Variants in FOXO1 observed in about 807,000 individuals in gnomAD.
The protein encoded by FOXO1 is forkhead box O1.
FOXO1 carries 6 observed loss-of-function variants against 44.1 expected under a neutral mutation model. That is an observed-to-expected ratio of 0.14 (90% confidence interval 0.07 to 0.27). FOXO1 has a LOEUF of 0.27. Among genes scored for constraint, FOXO1 ranks in the 10% least tolerant of loss-of-function variants. The probability of loss-of-function intolerance (pLI) is 1.00; values close to 1 mark genes in which losing one functional copy is unlikely to be tolerated. For synonymous variants in FOXO1, 380 were observed against 362.7 expected (o/e 1.05, Z -0.54); for missense variants, 737 against 888.8 (o/e 0.83, Z 2.17).
At position 40,665,760 on chromosome 13, in the gene FOXO1, C is replaced by T. The variant is rs1878215091; in HGVS notation, c.453G>A (p.Lys151=). The change falls in exon 1 of 3, where the codon AAG becomes AAA. Residue 151 remains lysine (K), a synonymous_variant. Coordinates refer to ENST00000379561, the MANE Select transcript of FOXO1 (RefSeq NM_002015.4). The part of the protein sequence containing the change: ...AAGPLAGQPR[K]SSSSRRNAWG... ...ACGCGTTGCGGCGGGACGAGCTGCT[C>T]TTGCGCGGCTGCCCCGCGAGCGGCC... The T allele has an allele frequency of 2.2e-6, 3 of 1,377,844 alleles. No individual in the cohort carries two copies. Among genetic ancestry groups the T allele is most frequent in the Middle Eastern group, 1.9e-4 (1 of 5,314 alleles). 85.4% of individuals were successfully genotyped at this position (1,377,844 alleles called of 1,614,324 possible).
intron 1 of FOXO1, among the ~76,000 whole-genome samples, chr13:40,602,529 G>A (rs1427389434): frequency 6.6e-6 from 1 of 152,124 alleles, no homozygotes; most frequent in African/African-American, 2.4e-5. Flanking sequence ...CCGAAAAAAA[G>A]AAAGAAATTC....
chr13:40,595,135 AGATGGAGC>A (rs1875527304), intron 1 of FOXO1, among the ~76,000 whole-genome samples: 1 of 152,236 alleles, frequency 6.6e-6, no homozygotes, highest in Non-Finnish European at 1.5e-5. Context: ...GAAAAAACTG[AGATGGAGC>A]GATTAGGAGG....
rs181477124 is a variant in FOXO1, at chr13:40,662,793, C to T, written c.630+2790G>A. 1.7e-3 allele frequency among the ~76,000 whole-genome samples: 254 copies of T among 152,308 alleles called. 1 individual carries two copies. The highest frequency in any genetic ancestry group is 5.9e-3 in the African/African-American group (247 of 41,580). On this transcript the variant is annotated intron_variant, in intron 1 of 2. Coordinates refer to ENST00000379561, the MANE Select transcript of FOXO1 (RefSeq NM_002015.4). ...GAAATATTTTGTGCCAAAGCAACCT[C>T]TCCTCGGTCCTAAAACAGTTAAGTT...
chr13:40,649,191 C>T (rs1439849109), intron 1 of FOXO1, among the ~76,000 whole-genome samples: 4 of 152,218 alleles, frequency 2.6e-5, no homozygotes, highest in Admixed American at 2.6e-4. Flanking sequence ...GTCTTCATTT[C>T]AAATCCAAGG....
At chr13:40,652,095 T>C (rs541508314) in intron 1 of FOXO1, among the ~76,000 whole-genome samples, 2 of 152,204 alleles carry the variant, frequency 1.3e-5, no homozygotes, top group African/African-American at 2.4e-5. Flanking sequence ...CCAATCGATA[T>C]TTACAAGTTT....
chr13:40,652,152 C>G (rs1245251599), intron 1 of FOXO1, among the ~76,000 whole-genome samples: 1 of 152,170 alleles, frequency 6.6e-6, no homozygotes, highest in African/African-American at 2.4e-5. Context: ...TAGGAGGTAG[C>G]CCTGCAGAGA....
At chr13:40,644,161 G>C (rs1877440880) in intron 1 of FOXO1, among the ~76,000 whole-genome samples, 1 of 152,168 alleles carries the variant, frequency 6.6e-6, no homozygotes, top group Non-Finnish European at 1.5e-5. Context: ...TATCTAACCA[G>C]CACCTTTTGT....
At chr13:40,581,865 G>A (rs1305337108) in intron 1 of FOXO1, among the ~76,000 whole-genome samples, 1 of 152,162 alleles carries the variant, frequency 6.6e-6, no homozygotes, top group African/African-American at 2.4e-5. Flanking sequence ...TTAAAAAGGG[G>A]ATCCTACAAA....
intron 1 of FOXO1, among the ~76,000 whole-genome samples, chr13:40,570,569 A>C (rs1874452298): frequency 6.6e-6 from 1 of 152,228 alleles, no homozygotes; most frequent in African/African-American, 2.4e-5. Flanking sequence ...TTCAGCCAAT[A>C]ACCTCATACA....
In FOXO1 at chr13:40,597,987, T is replaced by C. The variant is rs189759493; in HGVS notation, c.631-37127A>G. Among the ~76,000 whole-genome samples the C allele has an allele frequency of 2.6e-3, 390 of 152,272 alleles. 2 individuals carry two copies. Among genetic ancestry groups the C allele is most frequent in the African/African-American group, 8.3e-3 (345 of 41,552 alleles). The stretch of plus-strand genomic sequence containing the variant: ...TGCTCGGGCCAAGTCCTCAGAGGCT[T>C]TCCCAGCCTCAGAGAATCGGGCTCT... On this transcript the variant is annotated intron_variant, in intron 1 of 2. Coordinates refer to ENST00000379561, the MANE Select transcript of FOXO1 (RefSeq NM_002015.4).
chr13:40,593,248 G>A (rs939211794), intron 1 of FOXO1, among the ~76,000 whole-genome samples: 2 of 152,004 alleles, frequency 1.3e-5, no homozygotes, highest in Non-Finnish European at 2.9e-5. Context: ...GGCTGGTCTC[G>A]AACTCCTGGG....
At chr13:40,580,900 G>A (rs1378482343) in intron 1 of FOXO1, among the ~76,000 whole-genome samples, 1 of 152,196 alleles carries the variant, frequency 6.6e-6, no homozygotes, top group Non-Finnish European at 1.5e-5. Flanking sequence ...AGAACAAGGT[G>A]AGGCTCCAGG....
intron 1 of FOXO1, among the ~76,000 whole-genome samples, chr13:40,566,577 A>G (rs1874276740): frequency 6.6e-6 from 1 of 151,756 alleles, no homozygotes; most frequent in Non-Finnish European, 1.5e-5. Flanking sequence ...GCGGGGTTTC[A>G]CCATGTTGGC....
In FOXO1 at chr13:40,558,928, T is replaced by G. The variant is rs1297813164; in HGVS notation, c.*121A>C. The G allele has an allele frequency of 2.7e-5, 7 of 257,108 alleles. No individual in the cohort carries two copies. Among genetic ancestry groups the G allele is most frequent in the Admixed American group, 1.9e-4 (2 of 10,516 alleles). The allele number at this position is 257,108 out of a possible 1,614,324, so 15.9% of individuals were successfully genotyped here. On this transcript the variant is annotated 3_prime_UTR_variant, in exon 3 of 3. Coordinates refer to ENST00000379561, the MANE Select transcript of FOXO1 (RefSeq NM_002015.4). The stretch of plus-strand genomic sequence containing the variant: ...GAAAAAAGGAGGGTTTTTTTTTTTG[T>G]TTTTTTTTTTAACCAAGAAAACTAA...
Position 40,558,878 on chromosome 13 carries a change from T to C in FOXO1, c.*171A>G, listed in dbSNP as rs9532558. The C allele has an allele frequency of 0.014, 5,405 of 398,746 alleles. 51 individuals carry two copies. The highest frequency in any genetic ancestry group is 0.025 in the Middle Eastern group (40 of 1,586). The allele number at this position is 398,746 out of a possible 1,614,324, so 24.7% of individuals were successfully genotyped here. ...GCAAACATCCTGTACAGGAAAAATG[T>C]CTTTGCTGCCAAGTCTGACGAAAGG... is the stretch of plus-strand genomic sequence containing the variant. On this transcript the variant is annotated 3_prime_UTR_variant, in exon 3 of 3. Coordinates refer to ENST00000379561, the MANE Select transcript of FOXO1 (RefSeq NM_002015.4).
chr13:40,629,573 A>T (rs1224147178), intron 1 of FOXO1, among the ~76,000 whole-genome samples: 1 of 152,200 alleles, frequency 6.6e-6, no homozygotes, highest in Non-Finnish European at 1.5e-5. Flanking sequence ...CAGATTTTGG[A>T]ACATTTGCAT....
At chr13:40,614,883 G>A (rs752820478) in intron 1 of FOXO1, among the ~76,000 whole-genome samples, 16 of 152,184 alleles carry the variant, frequency 1.1e-4, no homozygotes, top group Non-Finnish European at 1.8e-4. Flanking sequence ...TCTCCTGAAA[G>A]GCTCATCCCT....
intron 1 of FOXO1, among the ~76,000 whole-genome samples, chr13:40,618,361 C>T (rs1876495550): frequency 6.6e-6 from 1 of 152,354 alleles, no homozygotes; most frequent in Non-Finnish European, 1.5e-5. Flanking sequence ...TAGGCATGAG[C>T]CATGACACCT....
At position 40,560,262 on chromosome 13, in the gene FOXO1, G is replaced by C. The variant is rs776126179; in HGVS notation, c.1229C>G (p.Pro410Arg). 6.2e-7 allele frequency: 1 copy of C among 1,614,210 alleles called. No individual in the cohort carries two copies. Among genetic ancestry groups the C allele is most frequent in the Non-Finnish European group, 8.5e-7 (1 of 1,180,038 alleles). ...GCTGGGTGAATTCAAACTGGTGTTT[G>C]GTGGCGCAAACGAGTAGCACGGCGT... ...QQTPCYSFAP[P>R]NTSLNSPSPN... Residue 410 changes from proline (P) to arginine (R), a missense_variant, in exon 2 of 3, where the codon CCA becomes CGA. By Grantham distance (103) the Pro-to-Arg change is moderately radical. Around this residue, in one of 7 missense-constraint regions of FOXO1, gnomAD observed 283 missense variants for 278.1 expected, o/e 1.02. Coordinates refer to ENST00000379561, the MANE Select transcript of FOXO1 (RefSeq NM_002015.4). This position sits in a 1 kb window ranked among gnomAD's most constrained non-coding sequence, Gnocchi z 5.1.
Sources: allele counts gnomAD v4.1 joint callset (sites outside exome capture counted in the v4.1 genomes callset), GRCh38; gene constraint gnomAD v4.1.1; regional missense constraint gnomAD v4.1.1; non-coding constraint Gnocchi (gnomAD v3.1); transcripts MANE v1.5; gene names NCBI Gene and HGNC (gene_info 2026-07-23, HGNC 2026-07-21).